Variants in SCMH1 observed in about 807,000 individuals in gnomAD.
SCMH1 encodes Scm polycomb group protein homolog 1.
In SCMH1, 37 loss-of-function variants were observed where a neutral mutation model predicts 70.8. The ratio of observed to expected loss-of-function variants is 0.52; its 90% CI spans 0.40 to 0.69. The LOEUF (loss-of-function observed/expected upper bound fraction) is 0.69. Ranked by LOEUF, SCMH1 falls within the 30% of genes least tolerant of loss-of-function variation. The pLI, the probability that SCMH1 is intolerant of heterozygous loss-of-function variation, is 0.00. For synonymous variants in SCMH1, 292 were observed against 307.4 expected (o/e 0.95, Z 0.52); for missense variants, 607 against 827.3 (o/e 0.73, Z 3.27).
At position 41,027,881 on chromosome 1, in the gene SCMH1, C is replaced by T. The variant is rs116422828; in HGVS notation, c.*313G>A. On this transcript the variant is annotated 3_prime_UTR_variant, in exon 15 of 15. Coordinates refer to ENST00000337495, the Ensembl canonical transcript of SCMH1. ...ACAGAGTTGGCCTTTTCCTCCATCA[C>T]GTGGAAGGCATTCAGCCTAAACTCC... 1.9e-3 allele frequency: 612 copies of T among 327,364 alleles called. 3 individuals carry two copies. The highest frequency in any genetic ancestry group is 5.0e-3 in the Middle Eastern group (6 of 1,212). The allele number at this position is 327,364 out of a possible 1,614,324, so 20.3% of individuals were successfully genotyped here. A position where few individuals can be genotyped will look rare whatever the true frequency, so the allele number is the denominator to read the frequency against.
At chr1:41,156,676 T>A (rs213738) in intron 4 of SCMH1, among the ~76,000 whole-genome samples, 1 of 151,986 alleles carries the variant, frequency 6.6e-6, no homozygotes, top group African/African-American at 2.4e-5. Context: ...TGAGCTCAAG[T>A]GATCTAACTG....
chr1:41,217,410 T>C (rs1248505896), intron 1 of SCMH1, among the ~76,000 whole-genome samples: 1 of 152,088 alleles, frequency 6.6e-6, no homozygotes, highest in African/African-American at 2.4e-5. Context: ...ACTATTAATA[T>C]TAAGCAAAAA....
intron 1 of SCMH1, among the ~76,000 whole-genome samples, chr1:41,213,539 T>C (rs1279639565): frequency 6.6e-6 from 1 of 152,078 alleles, no homozygotes; most frequent in African/African-American, 2.4e-5. Flanking sequence ...GACCCTCATG[T>C]GACAGGTTCC....
At chr1:41,230,007 G>C (rs1661002073) in intron 1 of SCMH1, among the ~76,000 whole-genome samples, 1 of 152,160 alleles carries the variant, frequency 6.6e-6, no homozygotes, top group Non-Finnish European at 1.5e-5. Context: ...AATGAAATGG[G>C]AGCCAATGTA....
chr1:41,176,188 A>G (rs576619589), intron 2 of SCMH1, among the ~76,000 whole-genome samples: 2 of 123,026 alleles, frequency 1.6e-5, no homozygotes, highest in Non-Finnish European at 3.7e-5. Context: ...ACCAAAAAAA[A>G]CAAAAAAAAA....
At chr1:41,163,179 C>T (rs1294595327) in intron 2 of SCMH1, among the ~76,000 whole-genome samples, 1 of 152,128 alleles carries the variant, frequency 6.6e-6, no homozygotes, top group East Asian at 1.9e-4. Context: ...AGGGAAGCTG[C>T]TTGTGGTGTG....
intron 8 of SCMH1, among the ~76,000 whole-genome samples, chr1:41,076,745 G>A (rs1259743984): frequency 1.3e-5 from 2 of 152,228 alleles, no homozygotes; most frequent in African/African-American, 4.8e-5. Context: ...GAACATGTTA[G>A]TGTGTTTGAG....
chr1:41,062,983 T>C (rs1247214339), intron 10 of SCMH1, among the ~76,000 whole-genome samples: 2 of 151,088 alleles, frequency 1.3e-5, no homozygotes, highest in East Asian at 1.9e-4. Context: ...ATTTGTGGGA[T>C]AGAGCAGAAG....
At chr1:41,037,096 G>A (rs1309509316) in intron 13 of SCMH1, among the ~76,000 whole-genome samples, 1 of 150,306 alleles carries the variant, frequency 6.7e-6, no homozygotes, top group Non-Finnish European at 1.5e-5. Flanking sequence ...CAAATAAATA[G>A]TTAATGGATG....
At chr1:41,161,379 C>A (rs1646017936) in exon 3 of SCMH1, 2 of 1,550,480 alleles carry the variant, frequency 1.3e-6, no homozygotes, top group Non-Finnish European at 1.7e-6. Flanking sequence ...TATTGGGATG[C>A]AGACTCTGAT....
intron 4 of SCMH1, among the ~76,000 whole-genome samples, chr1:41,158,179 G>C (rs1429614106): frequency 6.6e-6 from 1 of 152,180 alleles, no homozygotes; most frequent in African/African-American, 2.4e-5. Flanking sequence ...AAGTCTCAGA[G>C]CCATTCCCCA....
chr1:41,133,101 G>A (rs1489083609), intron 6 of SCMH1, among the ~76,000 whole-genome samples: 1 of 152,074 alleles, frequency 6.6e-6, no homozygotes, highest in Admixed American at 6.5e-5. Flanking sequence ...AGCTTGATGG[G>A]GATAGCACTG....
intron 5 of SCMH1, among the ~76,000 whole-genome samples, chr1:41,146,736 C>T (rs112891520): frequency 0.022 from 3,273 of 152,194 alleles, 69 homozygotes; most frequent in South Asian, 0.041. Flanking sequence ...TCTATGTTCA[C>T]ACGACGATGA....
intron 8 of SCMH1, among the ~76,000 whole-genome samples, chr1:41,100,997 C>T (rs1360170584): frequency 6.7e-6 from 1 of 149,370 alleles, no homozygotes; most frequent in African/African-American, 2.5e-5. Context: ...ACTCTAAAGT[C>T]AAAGCTGAAC....
intron 8 of SCMH1, among the ~76,000 whole-genome samples, chr1:41,095,904 A>G (rs1664927650): frequency 6.6e-6 from 1 of 152,236 alleles, no homozygotes; most frequent in Non-Finnish European, 1.5e-5. Context: ...CTCTTACATA[A>G]TAACTTAAAA....
chr1:41,125,008 A>G (rs1437887073), intron 6 of SCMH1, among the ~76,000 whole-genome samples: 1 of 152,124 alleles, frequency 6.6e-6, no homozygotes, highest in Non-Finnish European at 1.5e-5. Context: ...GAAGATACAA[A>G]ATTTGATCAC....
chr1:41,169,897 C>A (rs112761170), intron 2 of SCMH1, among the ~76,000 whole-genome samples: 1 of 151,478 alleles, frequency 6.6e-6, no homozygotes, highest in African/African-American at 2.4e-5. Context: ...AGGATGTAGA[C>A]CCTCGGTGGA....
chr1:41,105,849 ACT>A (rs1667752593), intron 8 of SCMH1, among the ~76,000 whole-genome samples: 1 of 150,490 alleles, frequency 6.6e-6, no homozygotes. Context: ...CTGAGCTGTA[ACT>A]CTACTACTTA....
At chr1:41,215,348 C>T (rs1657865377) in intron 1 of SCMH1, among the ~76,000 whole-genome samples, 1 of 152,090 alleles carries the variant, frequency 6.6e-6, no homozygotes, top group Non-Finnish European at 1.5e-5. Context: ...ATCCATGTAC[C>T]CTACAAGATA....
Sources: allele counts gnomAD v4.1 joint callset (sites outside exome capture counted in the v4.1 genomes callset), GRCh38; gene constraint gnomAD v4.1.1; transcripts MANE v1.5; gene names NCBI Gene and HGNC (gene_info 2026-07-23, HGNC 2026-07-21).